The following CHRNA7 variants were observed in gnomAD, a reference collection of about 807,000 sequenced individuals.
CHRNA7 encodes the protein cholinergic receptor nicotinic alpha 7 subunit, also known as neuronal acetylcholine receptor subunit alpha-7.
Under a neutral mutation model 48.0 loss-of-function variants are expected in CHRNA7, and 17 were observed. That is an observed-to-expected ratio of 0.35 (90% CI 0.24 to 0.53). The LOEUF is 0.53. CHRNA7 is among the 20% of genes least tolerant of loss of function. The probability of loss-of-function intolerance (pLI) is 0.92; values close to 1 mark genes in which losing one functional copy is unlikely to be tolerated. For missense variants in CHRNA7, 155 were observed against 577.7 expected (o/e 0.27, Z 7.50); for synonymous variants, 75 against 242.3 (o/e 0.31, Z 6.41).
intron 4 of CHRNA7, among the ~76,000 whole-genome samples, chr15:32,126,668 A>C (rs371136005): frequency 9.2e-5 from 14 of 152,226 alleles, no homozygotes; most frequent in African/African-American, 3.4e-4. Context: ...TCTCATCATC[A>C]TTTTAATAGT....
chr15:32,130,538 A>G (rs1441720679), intron 4 of CHRNA7, among the ~76,000 whole-genome samples: 1 of 150,018 alleles, frequency 6.7e-6, no homozygotes. Context: ...TCTGTGATAT[A>G]TATATATTAT....
Position 32,030,999 on chromosome 15 carries a change from G to A in CHRNA7, c.157G>A (p.Val53Ile), listed in dbSNP as rs757343352. The change falls in exon 2 of 10, where the codon GTC (valine) becomes ATC (isoleucine). Residue 53 changes from valine (V) to isoleucine (I), a missense_variant. Transcript: ENST00000306901. ...GGCCAATGACTCGCAACCACTCACC[G>A]TCTACTTCTCCCTGAGCCTCCTGCA... ...PVANDSQPLT[V>I]YFSLSLLQIM... The A allele has an allele frequency of 6.8e-6, 11 of 1,614,178 alleles. No homozygotes were observed. In the South Asian group the frequency reaches 8.8e-5, roughly 13 times the overall value.
At chr15:32,031,408 C>T (rs551137155) in intron 2 of CHRNA7, among the ~76,000 whole-genome samples, 31 of 152,318 alleles carry the variant, frequency 2.0e-4, no homozygotes, top group African/African-American at 7.2e-4. Context: ...GACTTGCATT[C>T]CAGCATTGTC....
At chr15:32,047,984 C>G (rs1362467880) in intron 2 of CHRNA7, among the ~76,000 whole-genome samples, 1 of 151,998 alleles carries the variant, frequency 6.6e-6, no homozygotes, top group Non-Finnish European at 1.5e-5. Flanking sequence ...TATTGATTTG[C>G]GTATATTGAA....
intron 3 of CHRNA7, among the ~76,000 whole-genome samples, chr15:32,105,926 C>T (rs1279333017): frequency 2.0e-5 from 3 of 152,280 alleles, no homozygotes; most frequent in African/African-American, 7.2e-5. Context: ...CTAGCCAGTG[C>T]CTGTGTCTCT....
chr15:32,086,587 T>C (rs1457641276), intron 2 of CHRNA7, among the ~76,000 whole-genome samples: 1 of 152,110 alleles, frequency 6.6e-6, no homozygotes, highest in African/African-American at 2.4e-5. Context: ...TTATTCACAT[T>C]TTATTGGCTT....
intron 5 of CHRNA7, 182 bp from the exon 6 acceptor site, chr15:32,157,426 G>A: frequency 2.3e-6 from 1 of 435,300 alleles, no homozygotes; most frequent in Non-Finnish European, 4.3e-6. Flanking sequence ...TTAAAAGACA[G>A]TGAAGCTTAG....
intron 2 of CHRNA7, among the ~76,000 whole-genome samples, chr15:32,068,189 G>T (rs1231431479): frequency 6.6e-6 from 1 of 152,128 alleles, no homozygotes; most frequent in Non-Finnish European, 1.5e-5. Flanking sequence ...ACTCACACCT[G>T]TAGTCCTAGC....
At chr15:32,121,564 C>T (rs1345277819) in intron 4 of CHRNA7, among the ~76,000 whole-genome samples, 4 of 152,132 alleles carry the variant, frequency 2.6e-5, no homozygotes, top group East Asian at 1.9e-4. Flanking sequence ...CAGAAGATGA[C>T]GTATGTCAGG....
intron 4 of CHRNA7, among the ~76,000 whole-genome samples, chr15:32,140,698 T>C (rs568299350): frequency 4.6e-5 from 7 of 152,242 alleles, no homozygotes; most frequent in Non-Finnish European, 7.3e-5. Flanking sequence ...TTTTTTCATG[T>C]GTCTGTTGTC....
chr15:32,037,900 T>C (rs1313921917), intron 2 of CHRNA7, among the ~76,000 whole-genome samples: 1 of 151,764 alleles, frequency 6.6e-6, no homozygotes, highest in Non-Finnish European at 1.5e-5. Flanking sequence ...ATACTTTTTA[T>C]TTCCTTTTTC....
intron 4 of CHRNA7, among the ~76,000 whole-genome samples, chr15:32,132,467 A>G (rs2051173228): frequency 6.6e-6 from 1 of 152,238 alleles, no homozygotes; most frequent in South Asian, 2.1e-4. Flanking sequence ...TAGCAAGAGT[A>G]ATAATGATTA....
intron 2 of CHRNA7, among the ~76,000 whole-genome samples, chr15:32,048,281 C>T (rs1347558636): frequency 6.6e-6 from 1 of 152,174 alleles, no homozygotes; most frequent in East Asian, 1.9e-4. Context: ...TAGAATTCGG[C>T]TGTGAATCCA....
intron 2 of CHRNA7, among the ~76,000 whole-genome samples, chr15:32,034,275 C>T (rs1334760727): frequency 2.6e-5 from 4 of 152,130 alleles, no homozygotes; most frequent in African/African-American, 4.8e-5. Flanking sequence ...GAGGACAGCT[C>T]ACTTTCAACA....
At chr15:32,086,874 AG>A in intron 2 of CHRNA7, among the ~76,000 whole-genome samples, 1 of 152,336 alleles carries the variant, frequency 6.6e-6, no homozygotes, top group East Asian at 1.9e-4. Flanking sequence ...TATCATATCC[AG>A]GGTGCATAAT....
chr15:32,035,962 C>T (rs746068130), intron 2 of CHRNA7, among the ~76,000 whole-genome samples: 2 of 152,096 alleles, frequency 1.3e-5, no homozygotes, highest in African/African-American at 4.8e-5. Context: ...AAGAAGGTTC[C>T]CTCTTGGTTT....
intron 2 of CHRNA7, among the ~76,000 whole-genome samples, chr15:32,096,717 A>G (rs1345101682): frequency 6.6e-6 from 1 of 152,218 alleles, no homozygotes; most frequent in Non-Finnish European, 1.5e-5. Flanking sequence ...CGAAAGAATA[A>G]TTGCTGCAGA....
chr15:32,091,690 C>A (rs1345675684), intron 2 of CHRNA7, among the ~76,000 whole-genome samples: 2 of 152,140 alleles, frequency 1.3e-5, no homozygotes, highest in African/African-American at 4.8e-5. Context: ...GAAAGAGAAT[C>A]TTTTCTATAG....
rs1161108045 is a variant in CHRNA7, at chr15:32,030,963, G to C, written c.121G>C (p.Glu41Gln). 6.2e-7 allele frequency: 1 copy of C among 1,614,214 alleles called. No homozygotes were observed. Among genetic ancestry groups the C allele is most frequent in the Admixed American group, 1.7e-5 (1 of 60,030 alleles). ...KELVKNYNPL[E>Q]RPVANDSQPL... ...GCTGGTCAAGAACTACAATCCCTTGGAGAGGCCCGTGGCCAATGACTCGCA... is the reference window on the plus strand; with the variant it reads ...GCTGGTCAAGAACTACAATCCCTTGCAGAGGCCCGTGGCCAATGACTCGCA... Residue 41 changes from glutamate to glutamine, a missense_variant, in exon 2 of 10, where the codon GAG becomes CAG. Transcript: ENST00000306901.
Sources: allele counts gnomAD v4.1 joint callset (sites outside exome capture counted in the v4.1 genomes callset), GRCh38; gene constraint gnomAD v4.1.1; transcripts MANE v1.5; gene names NCBI Gene and HGNC (gene_info 2026-07-23, HGNC 2026-07-21).